The following KCNJ6 variants were observed in gnomAD, a reference collection of about 807,000 sequenced individuals.
The protein encoded by KCNJ6 is potassium inwardly rectifying channel subfamily J member 6, also known as G protein-activated inward rectifier potassium channel 2.
In KCNJ6, 9 loss-of-function variants were observed where a neutral mutation model predicts 34.2. The ratio of observed to expected loss-of-function variants is 0.26; its 90% CI spans 0.16 to 0.46. KCNJ6 has a LOEUF of 0.46. KCNJ6 is among the 20% of genes least tolerant of loss of function. The pLI, the probability that KCNJ6 is intolerant of heterozygous loss-of-function variation, is 1.00. For missense variants in KCNJ6, 236 were observed against 531.3 expected (o/e 0.44, Z 5.46); for synonymous variants, 196 against 207.1 (o/e 0.95, Z 0.46).
At chr21:37,704,289 C>T (rs1247373526) in intron 3 of KCNJ6, among the ~76,000 whole-genome samples, 1 of 116,654 alleles carries the variant, frequency 8.6e-6, no homozygotes, top group African/African-American at 2.7e-5. Flanking sequence ...AGGTTGTACA[C>T]CTTTTCCAAC....
rs530931409 is a variant in KCNJ6, at chr21:37,709,369, G to A, written c.946+4842C>T. 1.8e-3 allele frequency among the ~76,000 whole-genome samples: 267 copies of A among 152,150 alleles called. 1 individual carries two copies. The highest frequency in any genetic ancestry group is 5.9e-3 in the African/African-American group (247 of 41,514). ...TCTACTAAAATTACAAAATTAGCCGGGCGCGGTGGTGGTGCATGCCTGTAA... is the reference window on the plus strand; with the variant it reads ...TCTACTAAAATTACAAAATTAGCCGAGCGCGGTGGTGGTGCATGCCTGTAA... On this transcript the variant is annotated intron_variant, in intron 3 of 3. Coordinates refer to ENST00000609713, the MANE Select transcript of KCNJ6 (RefSeq NM_002240.5).
rs1026736593 is a variant in KCNJ6 at position 37,612,976 on chromosome 21, A to C, written c.*12183T>G. The C allele has an allele frequency of 6.6e-6, 1 of 152,208 alleles. No individual in the cohort carries two copies. Among genetic ancestry groups the C allele is most frequent in the Non-Finnish European group, 1.5e-5 (1 of 68,036 alleles). The allele number at this position is 152,208 out of a possible 1,614,324, so 9.4% of individuals were successfully genotyped here. A position where few individuals can be genotyped will look rare whatever the true frequency, so the allele number is the denominator to read the frequency against. On this transcript the variant is annotated 3_prime_UTR_variant, in exon 4 of 4. Coordinates refer to ENST00000609713, the MANE Select transcript of KCNJ6 (RefSeq NM_002240.5). ...AAAATTAAAAGCGTCTGCTCTGAAA[A>C]AGACAAGGTCAAGATAATGAGAAGA...
chr21:37,615,244 C>CTTTTTTTTTTTTTTTTTTTT lies in KCNJ6; in HGVS notation c.*9895_*9914dup, dbSNP rs1156939747. ...ACCCTCGACTGACATTCCCAGCATT[C>CTTTTTTTTTTTTTTTTTTTT]TTTTTTTTTTTTTTTTTTTTTTTTT... On this transcript the variant is annotated 3_prime_UTR_variant, in exon 4 of 4. Coordinates refer to ENST00000609713, the MANE Select transcript of KCNJ6 (RefSeq NM_002240.5). The CTTTTTTTTTTTTTTTTTTTT allele has an allele frequency of 1.0e-5, 1 of 98,890 alleles. No individual in the cohort carries two copies. The highest frequency in any genetic ancestry group is 4.0e-5 in the African/African-American group (1 of 25,164). The allele number at this position is 98,890 out of a possible 1,614,324, so 6.1% of individuals were successfully genotyped here. A position where few individuals can be genotyped will look rare whatever the true frequency, so the allele number is the denominator to read the frequency against.
chr21:37,840,524 T>C, intron 2 of KCNJ6, 134 bp downstream of exon 2: 1 of 641,722 alleles, frequency 1.6e-6, no homozygotes, highest in South Asian at 2.0e-5. Context: ...ATGCAGTGTG[T>C]GTGAAACAGA....
At chr21:37,896,655 G>T (rs927054395) in intron 1 of KCNJ6, among the ~76,000 whole-genome samples, 6 of 152,306 alleles carry the variant, frequency 3.9e-5, no homozygotes, top group Admixed American at 2.0e-4. Flanking sequence ...TCCTGGGGGA[G>T]ACTCAAGGGT....
At chr21:37,717,709 G>A (rs2054800932) in intron 2 of KCNJ6, among the ~76,000 whole-genome samples, 1 of 152,254 alleles carries the variant, frequency 6.6e-6, no homozygotes, top group Non-Finnish European at 1.5e-5. Context: ...CAGGCCTGGT[G>A]TATATCCCGT....
intron 1 of KCNJ6, among the ~76,000 whole-genome samples, chr21:37,865,985 A>G (rs1442638248): frequency 6.6e-6 from 1 of 152,192 alleles, no homozygotes; most frequent in African/African-American, 2.4e-5. Context: ...AAAAAATCAT[A>G]TCAGGAAACT....
At chr21:37,650,129 T>C (rs188227718) in intron 3 of KCNJ6, among the ~76,000 whole-genome samples, 3 of 152,306 alleles carry the variant, frequency 2.0e-5, no homozygotes, top group Admixed American at 6.5e-5. Flanking sequence ...GCACAATGAA[T>C]GTGGCTTTGA....
chr21:37,641,693 G>A (rs1440119170), intron 3 of KCNJ6, among the ~76,000 whole-genome samples: 1 of 80,208 alleles, frequency 1.2e-5, no homozygotes. Flanking sequence ...AAGTAGACGA[G>A]TGTGTTTGGG....
chr21:37,610,598 T>TACAAAAA lies in KCNJ6; in HGVS notation c.*14560_*14561insTTTTTGT, dbSNP rs1556008030. 4 of 77,474 alleles carry TACAAAAA rather than the reference T, an allele frequency of 5.2e-5. No homozygotes were observed. The highest frequency in any genetic ancestry group is 2.3e-4 in the African/African-American group (4 of 17,432). 4.8% of individuals were successfully genotyped at this position (77,474 alleles called of 1,614,324 possible). On this transcript the variant is annotated 3_prime_UTR_variant, in exon 4 of 4. Coordinates refer to ENST00000609713, the MANE Select transcript of KCNJ6 (RefSeq NM_002240.5). ...TGGGCAACAGAGTGAGACTCTGTCT[T>TACAAAAA]AAAAAAAAAAAAAAAAAAAAAAGGA...
At chr21:37,859,773 CATAAAA>C (rs1353186446) in intron 1 of KCNJ6, among the ~76,000 whole-genome samples, 7 of 151,776 alleles carry the variant, frequency 4.6e-5, no homozygotes, top group Non-Finnish European at 1.0e-4. Flanking sequence ...ACTAAAAAAA[CATAAAA>C]ATAAAAACAA....
intron 2 of KCNJ6, among the ~76,000 whole-genome samples, chr21:37,816,399 T>C (rs2055347143): frequency 6.6e-6 from 1 of 152,260 alleles, no homozygotes; most frequent in Admixed American, 6.5e-5. Context: ...AAATCATTTC[T>C]CAGTTCATGT....
chr21:37,837,705 TTCTG>T (rs575006988), intron 2 of KCNJ6, among the ~76,000 whole-genome samples: 27 of 134,770 alleles, frequency 2.0e-4, no homozygotes, highest in Non-Finnish European at 4.1e-4. Context: ...GTATTCATGG[TTCTG>T]TCTGTTTTTT....
At chr21:37,730,584 CTA>C (rs1367654270) in intron 2 of KCNJ6, among the ~76,000 whole-genome samples, 4 of 152,200 alleles carry the variant, frequency 2.6e-5, no homozygotes, top group African/African-American at 9.6e-5. Context: ...ACAATAATCA[CTA>C]TTTTTATAAG....
chr21:37,815,773 T>C (rs1339337577), intron 2 of KCNJ6, among the ~76,000 whole-genome samples: 2 of 152,340 alleles, frequency 1.3e-5, no homozygotes, highest in Middle Eastern at 3.4e-3. Flanking sequence ...TACAGCTGTT[T>C]CCCTTTGGGA....
intron 1 of KCNJ6, among the ~76,000 whole-genome samples, chr21:37,887,870 T>C (rs977383490): frequency 6.6e-6 from 1 of 152,216 alleles, no homozygotes; most frequent in African/African-American, 2.4e-5. Context: ...GGAAGGAAAG[T>C]CACGGGAGCT....
At chr21:37,656,176 C>A (rs1253916955) in intron 3 of KCNJ6, among the ~76,000 whole-genome samples, 1 of 152,174 alleles carries the variant, frequency 6.6e-6, no homozygotes, top group Non-Finnish European at 1.5e-5. Flanking sequence ...ATCAGCTGGC[C>A]ACACCCCTTC....
At chr21:37,841,747 G>A (rs572092323) in intron 1 of KCNJ6, among the ~76,000 whole-genome samples, 7 of 152,250 alleles carry the variant, frequency 4.6e-5, no homozygotes, top group East Asian at 3.9e-4. Flanking sequence ...GGTAGAATAT[G>A]TCATCATTTT....
chr21:37,910,426 T>C (rs534622803), intron 1 of KCNJ6, among the ~76,000 whole-genome samples: 1 of 152,364 alleles, frequency 6.6e-6, no homozygotes. Context: ...AGTAGATGTC[T>C]GTAAGTTTAA....
Sources: gnomAD v4.1 joint callset for allele counts (sites outside exome capture counted in the v4.1 genomes callset) on GRCh38, gnomAD v4.1.1 for gene constraint, MANE v1.5 for transcripts, NCBI Gene and HGNC (gene_info 2026-07-23, HGNC 2026-07-21) for gene names.